Variants in FRMPD2 observed in about 807,000 individuals in gnomAD.
FRMPD2 encodes the protein FERM and PDZ domain containing 2, also known as FERM and PDZ domain-containing protein 2.
A neutral mutation model predicts 140.1 loss-of-function variants in FRMPD2; 96 were observed. The observed-to-expected ratio is 0.69, with a 90% CI of 0.58 to 0.81. The LOEUF is 0.81. Ranked by LOEUF, FRMPD2 falls within the 40% of genes least tolerant of loss-of-function variation. The pLI is 0.00. For missense variants in FRMPD2, 1,240 were observed against 1,447.4 expected (o/e 0.86, Z 2.32); for synonymous variants, 449 against 547.6 (o/e 0.82, Z 2.52).
intron 12 of FRMPD2, 76 bp from the exon 13 acceptor site, chr10:48,212,185 T>C: frequency 6.9e-7 from 1 of 1,453,502 alleles, no homozygotes; most frequent in East Asian, 2.3e-5. Flanking sequence ...GAAAACATTA[T>C]CTGTAGTCAC....
intron 21 of FRMPD2, among the ~76,000 whole-genome samples, chr10:48,180,143 A>G (rs1349702416): frequency 2.0e-5 from 3 of 152,058 alleles, no homozygotes; most frequent in Non-Finnish European, 4.4e-5. Flanking sequence ...TCATCCCACA[A>G]CTGCGGGCTC....
chr10:48,185,589 G>A lies in FRMPD2; in HGVS notation c.2323C>T (p.Arg775Cys), dbSNP rs768935262. 1.2e-5 allele frequency: 20 copies of A among 1,613,928 alleles called. No homozygotes were observed. The South Asian group carries it at 1.6e-4, about 13-fold the overall frequency. ...TGTGGGTCACGTTTCAGTGTCACAC[G>A]TACAATTTCTCGGCCCGGTTCAGCT... Reference protein sequence around the residue: ...FIAEPGREIVRVTLKRDPHRG... With the variant: ...FIAEPGREIVCVTLKRDPHRG... Residue 775 changes from arginine to cysteine, a missense_variant, in exon 18 of 29, where the codon CGT becomes TGT. Arg to Cys is a radical substitution (Grantham distance 180, BLOSUM62 -3). Coordinates refer to ENST00000374201, the MANE Select transcript of FRMPD2 (RefSeq NM_001018071.4).
Position 48,187,292 on chromosome 10 carries a change from G to T in FRMPD2, c.2166C>A (p.Ser722Arg). Reference protein sequence around the residue: ...KEAGAEGIGRSPCTGREQLKS... With the variant: ...KEAGAEGIGRRPCTGREQLKS... ...TCAGCTGCTCCCGGCCAGTGCAGGG[G>T]CTGCCGGGAAAAGAAAATGAGGTTA... Residue 722 changes from serine (S) to arginine (R), a missense_variant and splice_region_variant, in exon 17 of 29, where the codon AGC (serine) becomes AGA (arginine). By Grantham distance (110) the Ser-to-Arg change is moderately radical. Around this residue, in one of 6 missense-constraint regions of FRMPD2, gnomAD observed 1,161 missense variants for 1,055.9 expected, o/e 1.10. Transcript: ENST00000374201. The T allele has an allele frequency of 6.8e-6, 11 of 1,613,564 alleles. No homozygotes were observed. The highest frequency in any genetic ancestry group is 9.3e-6 in the Non-Finnish European group (11 of 1,179,620).
At chr10:48,238,994 T>TTCTCTCTG in intron 7 of FRMPD2, among the ~76,000 whole-genome samples, 1 of 152,064 alleles carries the variant, frequency 6.6e-6, no homozygotes. Context: ...TCTCTCCTCT[T>TTCTCTCTG]TCTCTCTGTC....
At chr10:48,235,426 G>A (rs1032873418) in intron 9 of FRMPD2, among the ~76,000 whole-genome samples, 12 of 152,352 alleles carry the variant, frequency 7.9e-5, no homozygotes, top group African/African-American at 2.4e-4. Context: ...GGACTCAGGT[G>A]TAGAGGAAAT....
At chr10:48,248,238 C>T (rs1383267825) in intron 3 of FRMPD2, among the ~76,000 whole-genome samples, 1 of 152,170 alleles carries the variant, frequency 6.6e-6, no homozygotes, top group Non-Finnish European at 1.5e-5. Context: ...TTGCACCATT[C>T]TCTCCTTTGA....
rs1401308812 is a variant in FRMPD2 at position 48,184,588 on chromosome 10, T to C, written c.2562A>G (p.Glu854=). The change falls in exon 20 of 29, where the codon GAA becomes GAG. Residue 854 remains glutamate, a synonymous_variant. Coordinates refer to ENST00000374201, the MANE Select transcript of FRMPD2 (RefSeq NM_001018071.4). The part of the protein sequence containing the change: ...RMIQNSPDNI[E]LIISQSKGVG... ...TACCTTTTGACTGAGAAATAATTAA[T>C]TCTATGTTGTCAGGGGAATTCTGGA... The C allele has an allele frequency of 1.9e-6, 3 of 1,609,808 alleles. No individual in the cohort carries two copies. Among genetic ancestry groups the C allele is most frequent in the Non-Finnish European group, 2.6e-6 (3 of 1,176,212 alleles).
At chr10:48,193,208 CG>C (rs1838878619) in intron 15 of FRMPD2, among the ~76,000 whole-genome samples, 1 of 152,164 alleles carries the variant, frequency 6.6e-6, no homozygotes, top group Non-Finnish European at 1.5e-5. Context: ...TGTCGGGCTC[CG>C]GCCGAGCCTC....
At chr10:48,261,065 C>T (rs549776020) in intron 1 of FRMPD2, among the ~76,000 whole-genome samples, 1 of 152,068 alleles carries the variant, frequency 6.6e-6, no homozygotes, top group East Asian at 1.9e-4. Flanking sequence ...AATCAAGGAG[C>T]TTAAAGATGT....
intron 10 of FRMPD2, among the ~76,000 whole-genome samples, chr10:48,230,980 CTT>C (rs934040469): frequency 6.6e-6 from 1 of 151,996 alleles, no homozygotes; most frequent in African/African-American, 2.4e-5. Flanking sequence ...TCCAGACAGA[CTT>C]AGCCTCAGAG....
chr10:48,160,234 C>T (rs1424340634), intron 28 of FRMPD2, among the ~76,000 whole-genome samples: 2 of 151,492 alleles, frequency 1.3e-5, no homozygotes, highest in African/African-American at 4.9e-5. Context: ...TTATAAAGAT[C>T]TACTACTAGA....
In FRMPD2 at chr10:48,234,097, G is replaced by A. The variant is rs114803377; in HGVS notation, c.994-1808C>T. ...ACCACTGATTGTCTGGGCTGGGACA[G>A]CAGAGTCATGGGAAGGGAGCTTGGG... is the stretch of plus-strand genomic sequence containing the variant. On this transcript the variant is annotated intron_variant, in intron 9 of 28. Coordinates refer to ENST00000374201, the MANE Select transcript of FRMPD2 (RefSeq NM_001018071.4). 8.4e-3 allele frequency among the ~76,000 whole-genome samples: 1,274 copies of A among 152,338 alleles called. 19 individuals are homozygous for A. Among genetic ancestry groups the A allele is most frequent in the African/African-American group, 0.029 (1,205 of 41,580 alleles).
chr10:48,261,844 G>A (rs1187257889), intron 1 of FRMPD2, among the ~76,000 whole-genome samples: 1 of 152,064 alleles, frequency 6.6e-6, no homozygotes, highest in South Asian at 2.1e-4. Context: ...AGGGAGAAAC[G>A]GGTATTACTC....
At chr10:48,227,725 A>G (rs966811216) in intron 10 of FRMPD2, among the ~76,000 whole-genome samples, 4 of 152,200 alleles carry the variant, frequency 2.6e-5, no homozygotes, top group Non-Finnish European at 1.5e-5. Context: ...CAACTGTCCT[A>G]TTGGTACATG....
intron 13 of FRMPD2, among the ~76,000 whole-genome samples, chr10:48,209,353 G>A (rs1839268626): frequency 1.3e-5 from 2 of 152,222 alleles, no homozygotes; most frequent in Non-Finnish European, 2.9e-5. Flanking sequence ...AGGTTATTCT[G>A]AGATTAATAA....
chr10:48,232,511 A>G (rs1839874332), intron 9 of FRMPD2, among the ~76,000 whole-genome samples: 2 of 152,252 alleles, frequency 1.3e-5, no homozygotes, highest in South Asian at 4.1e-4. Context: ...CAGGAACTGG[A>G]CTCAAATCTG....
rs1440486810 is a variant in FRMPD2 at position 48,252,282 on chromosome 10, AG to A, written c.26-592del. ...ACAGATAAACTGGAGGAGGCTCAAG[AG>A]GGCTAGTCTTCTCTTCCCTCTCTTC... On this transcript the variant is annotated intron_variant, in intron 1 of 28. Transcript: ENST00000374201. 5.3e-5 allele frequency among the ~76,000 whole-genome samples: 8 copies of A among 152,140 alleles called. No individual in the cohort carries two copies. The East Asian group carries it at 1.5e-3, about 29-fold the overall frequency.
rs897790369 is a variant in FRMPD2, at chr10:48,192,986, C to G, written c.1955-92G>C. The G allele has an allele frequency of 2.9e-5, 26 of 906,842 alleles. No homozygotes were observed. In the African/African-American group the frequency reaches 3.2e-4, roughly 11 times the overall value. 56.2% of individuals were successfully genotyped at this position (906,842 alleles called of 1,614,324 possible). A position where few individuals can be genotyped will look rare whatever the true frequency, so the allele number is the denominator to read the frequency against. ...TGGTTGTAACATATCACTGGGCCCC[C>G]GCTCTCCTCCTCCTTTCTTTTTCTG... On this transcript the variant is annotated intron_variant, in intron 15 of 28. Transcript: ENST00000374201.
intron 12 of FRMPD2, 82 bp from the exon 13 acceptor site, chr10:48,212,191 G>A: frequency 1.4e-6 from 2 of 1,406,092 alleles, no homozygotes; most frequent in South Asian, 1.3e-5. Flanking sequence ...ATTATCTGTA[G>A]TCACAATTCC....
Sources: gnomAD v4.1 joint callset for allele counts (sites outside exome capture counted in the v4.1 genomes callset) on GRCh38, gnomAD v4.1.1 for gene constraint, gnomAD v4.1.1 regional missense constraint, MANE v1.5 for transcripts, NCBI Gene and HGNC (gene_info 2026-07-23, HGNC 2026-07-21) for gene names.